Variants in MALRD1 observed in about 807,000 individuals in gnomAD.
The protein encoded by MALRD1 is MAM and LDL-receptor class A domain-containing protein 1.
In MALRD1, 247 loss-of-function variants were observed where a neutral mutation model predicts 242.1. The observed-to-expected ratio is 1.02, with a 90% CI of 0.92 to 1.13. The LOEUF (loss-of-function observed/expected upper bound fraction) is 1.13. Ranked by LOEUF, MALRD1 falls within the 50% of genes most tolerant of loss-of-function variation. The pLI, the probability that MALRD1 is intolerant of heterozygous loss-of-function variation, is 0.00. For missense variants in MALRD1, 2,989 were observed against 2,533.1 expected (o/e 1.18, Z -3.86); for synonymous variants, 995 against 866.6 (o/e 1.15, Z -2.60).
chr10:19,658,737 C>T (rs1841287731), intron 36 of MALRD1, among the ~76,000 whole-genome samples: 1 of 152,100 alleles, frequency 6.6e-6, no homozygotes, highest in South Asian at 2.1e-4. Flanking sequence ...TTACTCTCTC[C>T]TATTTACCTA....
chr10:19,528,261 C>T (rs1834188360), intron 31 of MALRD1, among the ~76,000 whole-genome samples: 1 of 152,134 alleles, frequency 6.6e-6, no homozygotes, highest in Non-Finnish European at 1.5e-5. Flanking sequence ...GAAAATTTTG[C>T]TGCAATAATT....
At chr10:19,368,340 C>G (rs1267741028) in intron 26 of MALRD1, among the ~76,000 whole-genome samples, 1 of 151,984 alleles carries the variant, frequency 6.6e-6, no homozygotes, top group Admixed American at 6.6e-5. Flanking sequence ...ATGTGGATAT[C>G]TAGGTTTCCC....
intron 7 of MALRD1, among the ~76,000 whole-genome samples, chr10:19,126,722 T>A (rs1837295460): frequency 6.6e-6 from 1 of 152,044 alleles, no homozygotes; most frequent in Admixed American, 6.6e-5. Flanking sequence ...TTTTTTTTTA[T>A]TTTTTGGGGG....
At chr10:19,500,096 A>G (rs1279237615) in intron 31 of MALRD1, among the ~76,000 whole-genome samples, 2 of 152,154 alleles carry the variant, frequency 1.3e-5, no homozygotes, top group Admixed American at 1.3e-4. Context: ...GCTTTGCCAG[A>G]TTTTAGTATC....
intron 36 of MALRD1, among the ~76,000 whole-genome samples, chr10:19,661,169 G>A (rs977158560): frequency 5.1e-4 from 78 of 152,132 alleles, no homozygotes; most frequent in Middle Eastern, 6.8e-3. Flanking sequence ...AAATAGGAAC[G>A]CTTTTACACT....
intron 2 of MALRD1, among the ~76,000 whole-genome samples, chr10:19,070,680 T>C (rs1835117037): frequency 6.6e-6 from 1 of 151,994 alleles, no homozygotes; most frequent in Non-Finnish European, 1.5e-5. Flanking sequence ...AATTTTCCCG[T>C]GTATGATTAT....
chr10:19,655,234 A>G (rs1841086990), intron 36 of MALRD1, among the ~76,000 whole-genome samples: 1 of 152,000 alleles, frequency 6.6e-6, no homozygotes, highest in African/African-American at 2.4e-5. Context: ...AATTTTGAAA[A>G]TGAAATGCAA....
intron 36 of MALRD1, among the ~76,000 whole-genome samples, chr10:19,687,916 ATGTT>A: frequency 1.4e-4 from 1 of 7,288 alleles, no homozygotes; most frequent in South Asian, 2.7e-3. Context: ...TTTTAATGTT[ATGTT>A]ATGTTATGTT....
At chr10:19,334,126 T>G (rs1041233822) in intron 24 of MALRD1, among the ~76,000 whole-genome samples, 2 of 146,912 alleles carry the variant, frequency 1.4e-5, no homozygotes, top group Admixed American at 6.8e-5. Flanking sequence ...TAGGTTTTTT[T>G]TTTTTTTTTT....
chr10:19,230,051 A>G (rs1040004281), intron 18 of MALRD1, among the ~76,000 whole-genome samples: 2 of 152,086 alleles, frequency 1.3e-5, no homozygotes, highest in African/African-American at 4.8e-5. Context: ...TTATAAGGCG[A>G]AACCCCTTTC....
intron 13 of MALRD1, among the ~76,000 whole-genome samples, chr10:19,174,881 A>G (rs1835164631): frequency 6.6e-6 from 1 of 152,162 alleles, no homozygotes; most frequent in Non-Finnish European, 1.5e-5. Context: ...TTGAGTTGTA[A>G]GTCACACAGT....
chr10:19,401,962 A>T (rs1846872550), intron 28 of MALRD1, among the ~76,000 whole-genome samples: 1 of 152,240 alleles, frequency 6.6e-6, no homozygotes. Context: ...AAACCCAACA[A>T]GAATAATTAA....
intron 18 of MALRD1, among the ~76,000 whole-genome samples, chr10:19,216,229 T>A (rs185347293): frequency 6.6e-6 from 1 of 151,062 alleles, no homozygotes; most frequent in Non-Finnish European, 1.5e-5. Context: ...GTGATTCTCC[T>A]GCCTCAGCCT....
chr10:19,399,238 A>T lies in MALRD1; in HGVS notation c.4845+9629A>T, dbSNP rs1198365614. ...GAATCCTGAGAGCCAGTAAATTTCA[A>T]TTTAACTTCTGCTTATTTACTGAAA... On this transcript the variant is annotated intron_variant, in intron 28 of 39. Coordinates refer to ENST00000454679, the MANE Select transcript of MALRD1 (RefSeq NM_001142308.3). Among the ~76,000 whole-genome samples the T allele has an allele frequency of 2.0e-5, 3 of 152,304 alleles. No homozygotes were observed. In the East Asian group the frequency reaches 5.8e-4, roughly 29 times the overall value.
intron 5 of MALRD1, among the ~76,000 whole-genome samples, chr10:19,114,130 G>C (rs1417398888): frequency 6.6e-6 from 1 of 152,128 alleles, no homozygotes; most frequent in Non-Finnish European, 1.5e-5. Context: ...TTACATTTGT[G>C]CTAAGAATAT....
chr10:19,352,470 A>G (rs1844431657), intron 26 of MALRD1, among the ~76,000 whole-genome samples, 173 bp downstream of exon 26: 1 of 115,752 alleles, frequency 8.6e-6, no homozygotes, highest in Non-Finnish European at 1.8e-5. Flanking sequence ...ATTCATAAAA[A>G]TGTCTTCCAC....
intron 35 of MALRD1, among the ~76,000 whole-genome samples, chr10:19,614,811 C>T (rs57451905): frequency 0.029 from 4,459 of 152,084 alleles, 107 homozygotes; most frequent in African/African-American, 0.072. Context: ...TGACATTGAT[C>T]GTGGATGCAG....
intron 8 of MALRD1, 41 bp downstream of exon 8, chr10:19,128,428 A>G (rs769203732): frequency 1.4e-4 from 170 of 1,216,026 alleles, no homozygotes; most frequent in Non-Finnish European, 1.7e-4. Flanking sequence ...CATTGAATCA[A>G]TGAAGTTTCT....
chr10:19,164,297 A>AT (rs200699820), intron 12 of MALRD1, among the ~76,000 whole-genome samples: 2,162 of 152,090 alleles, frequency 0.014, 43 homozygotes, highest in African/African-American at 0.05. Context: ...CATTTAAAAC[A>AT]TTTTTTTTGG....
Sources: gnomAD v4.1 joint callset for allele counts (sites outside exome capture counted in the v4.1 genomes callset) on GRCh38, gnomAD v4.1.1 for gene constraint, MANE v1.5 for transcripts, NCBI Gene and HGNC (gene_info 2026-07-23, HGNC 2026-07-21) for gene names.